Variants in BRICD5 observed in about 807,000 individuals in gnomAD.
The protein encoded by BRICD5 is BRICHOS domain containing 5.
A neutral mutation model predicts 28.4 loss-of-function variants in BRICD5; 51 were observed. The ratio of observed to expected loss-of-function variants is 1.80; its 90% CI spans 1.43 to 2.27. BRICD5 has a LOEUF of 2.27. BRICD5 is among the 30% of genes most tolerant of loss of function. The probability of loss-of-function intolerance (pLI) is 0.00; values close to 1 mark genes in which losing one functional copy is unlikely to be tolerated. For missense variants in BRICD5, 456 were observed against 309.6 expected, an observed-to-expected ratio of 1.47 and a Z score of -3.55; for synonymous variants, 177 against 130.2, an observed-to-expected ratio of 1.36 and a Z score of -2.44.
Position 2,209,640 on chromosome 16 carries a change from T to TC in BRICD5, c.504dup (p.Ser169GlufsTer?). On this transcript the variant is annotated frameshift_variant, in exon 5 of 6. Transcript: ENST00000328540. LOFTEE classifies it high-confidence loss of function. ...GCCTGGGCGGGGTCCACTTCGAGGCTCCCCTGCACTGCCAGCAGCTCCTGG... is the reference window on the plus strand; with the variant it reads ...GCCTGGGCGGGGTCCACTTCGAGGCTCCCCCTGCACTGCCAGCAGCTCCTGG... The TC allele has an allele frequency of 1.9e-6, 3 of 1,613,368 alleles. No individual in the cohort carries two copies. Among genetic ancestry groups the TC allele is most frequent in the Non-Finnish European group, 2.5e-6 (3 of 1,179,876 alleles).
chr16:2,210,399 GCTGTCTGCTCCTAGGTGGTGTCA>G (rs1344705098), intron 2 of BRICD5, 100 bp downstream of exon 2: 1 of 1,533,332 alleles, frequency 6.5e-7, no homozygotes, highest in Non-Finnish European at 8.8e-7. Context: ...TGGTCCTCTG[GCTGTCTGCTCCTAGGTGGTGTCA>G]CTGCCTGCTC....
rs192860278 is a variant in BRICD5 at position 2,209,451 on chromosome 16, G to T, written c.598C>A (p.Arg200=). 166 of 1,613,620 alleles carry T rather than the reference G, an allele frequency of 1.0e-4. 1 individual carries two copies. In the East Asian group the frequency reaches 3.4e-3, roughly 33 times the overall value. Residue 200 remains arginine, a synonymous_variant, in exon 6 of 6, where the codon CGG becomes AGG. Transcript: ENST00000328540. ...CAGAGATAAATCAGCCGCTGTCTCC[G>T]GGGCCCTGTGGCGAGGGTGCCGTGA... ...IYWARRAEGP[R]RQRLIYLCID... is the part of the protein sequence containing the mutation.
At position 2,209,963 on chromosome 16, in the gene BRICD5, A is replaced by G; in HGVS notation, c.425T>C (p.Val142Ala). The G allele has an allele frequency of 6.5e-7, 1 of 1,530,122 alleles. No individual in the cohort carries two copies. The allele number at this position is 1,530,122 out of a possible 1,614,324, so 94.8% of individuals were successfully genotyped here. The change falls in exon 4 of 6, where the codon GTG (valine) becomes GCG (alanine). Residue 142 changes from valine (V) to alanine (A), a missense_variant. Physicochemically the swap from Val to Ala is moderately conservative, Grantham distance 64. Coordinates refer to ENST00000328540, the MANE Select transcript of BRICD5 (RefSeq NM_182563.4). ...AGGACGGCTCACCTTGGAGGTATCC[A>G]CCAGCAGCCGCAGGGTCTCCCGATC... Reference protein sequence around the residue: ...DSDRETLRLLVDTSKVQEAWV... With the variant: ...DSDRETLRLLADTSKVQEAWV...
At chr16:2,210,673 AG>A in intron 1 of BRICD5, 23 bp from the exon 2 acceptor site, 18 of 1,610,120 alleles carry the variant, frequency 1.1e-5, no homozygotes, top group Non-Finnish European at 1.4e-5. Context: ...CAGGGTCAGA[AG>A]GGTCATGAGG....
At position 2,209,348 on chromosome 16, in the gene BRICD5, G is replaced by T; in HGVS notation, c.*14C>A. On this transcript the variant is annotated 3_prime_UTR_variant, in exon 6 of 6. Coordinates refer to ENST00000328540, the MANE Select transcript of BRICD5 (RefSeq NM_182563.4). ...CTGGATTGGGGACGGGCCAGGCTGG[G>T]CCAGGTCGGGGGCTCAGTCTGGGAG... The T allele has an allele frequency of 1.2e-6, 2 of 1,606,470 alleles. No homozygotes were observed. The highest frequency in any genetic ancestry group is 1.7e-6 in the Non-Finnish European group (2 of 1,174,522).
Position 2,210,502 on chromosome 16 carries a change from G to A in BRICD5, c.180+20C>T, listed in dbSNP as rs779427792. The A allele has an allele frequency of 5.0e-6, 8 of 1,591,392 alleles. No individual in the cohort carries two copies. The highest frequency in any genetic ancestry group is 6.9e-6 in the Non-Finnish European group (8 of 1,167,796). ...CTCCCTTTCCACTGTCCATGTCCCT[G>A]GTGCTGAGGAGGGGCTCACCTTGGG... is the stretch of plus-strand genomic sequence containing the variant. On this transcript the variant is annotated intron_variant, in intron 2 of 5. Transcript: ENST00000328540.
Position 2,210,197 on chromosome 16 carries a change from TC to T in BRICD5, c.264del (p.Asn89ThrfsTer7). 6.3e-7 allele frequency: 1 copy of T among 1,596,844 alleles called. No individual in the cohort carries two copies. The highest frequency in any genetic ancestry group is 1.1e-5 in the South Asian group (1 of 89,264). ...PNQTILVDVA[R>X]NAATITVTPP... is the part of the protein sequence containing the mutation. The stretch of plus-strand genomic sequence containing the variant: ...GGGGTCACTGTGATGGTCGCCGCGT[TC>T]CGGGCCACGTCCACCAGGATGGTTT... On this transcript the variant is annotated frameshift_variant, in exon 3 of 6. Coordinates refer to ENST00000328540, the MANE Select transcript of BRICD5 (RefSeq NM_182563.4). LOFTEE classifies it high-confidence loss of function.
intron 2 of BRICD5, 118 bp downstream of exon 2, chr16:2,210,404 C>G (rs1052823062): frequency 9.8e-6 from 15 of 1,534,552 alleles, no homozygotes; most frequent in Middle Eastern, 3.6e-4. Context: ...CTCTGGCTGT[C>G]TGCTCCTAGG....
rs1297523578 is a variant in BRICD5, at chr16:2,209,350, C to T, written c.*12G>A. 6.2e-7 allele frequency: 1 copy of T among 1,606,944 alleles called. No individual in the cohort carries two copies. Among genetic ancestry groups the T allele is most frequent in the South Asian group, 1.1e-5 (1 of 90,730 alleles). On this transcript the variant is annotated 3_prime_UTR_variant, in exon 6 of 6. Transcript: ENST00000328540. Reference sequence around the variant, plus strand: ...GGATTGGGGACGGGCCAGGCTGGGCCAGGTCGGGGGCTCAGTCTGGGAGGT... The same window carrying T: ...GGATTGGGGACGGGCCAGGCTGGGCTAGGTCGGGGGCTCAGTCTGGGAGGT...
rs1365805744 is a variant in BRICD5 at position 2,209,556 on chromosome 16, C to G, written c.589G>C (p.Glu197Gln). 34 of 1,611,982 alleles carry G rather than the reference C, an allele frequency of 2.1e-5. No homozygotes were observed. Among genetic ancestry groups the G allele is most frequent in the Non-Finnish European group, 2.8e-5 (33 of 1,180,010 alleles). The change falls in exon 5 of 6, where the codon GAG (glutamate) becomes CAG (glutamine). Residue 197 changes from glutamate (E) to glutamine (Q), a missense_variant. By Grantham distance (29) the Glu-to-Gln change is conservative. Coordinates refer to ENST00000328540, the MANE Select transcript of BRICD5 (RefSeq NM_182563.4). ...CCCCACAGCGGTCCTGACTCACCCT[C>G]TGCTCGCCGGGCCCAGTAGATGGGG... ...RTPIYWARRA[E>Q]GPRRQRLIYL...
In BRICD5 at chr16:2,209,390, G is replaced by C. The variant is rs765416492; in HGVS notation, c.659C>G (p.Ser220Trp). Residue 220 changes from serine (S) to tryptophan (W), a missense_variant, in exon 6 of 6, where the codon TCG becomes TGG. Physicochemically the swap from Ser to Trp is radical, Grantham distance 177 (BLOSUM62 -3). Coordinates refer to ENST00000328540, the MANE Select transcript of BRICD5 (RefSeq NM_182563.4). ...GTCTGGGAGGTAATAAAAGCAGACC[G>C]ACACGCAGATGTTGCTCGGGAAGCA... is the stretch of plus-strand genomic sequence containing the variant. ...DICFPSNICV[S>W]VCFYYLPD is the part of the protein sequence containing the mutation. 1 of 1,613,608 alleles carries C rather than the reference G, an allele frequency of 6.2e-7. No individual in the cohort carries two copies. The highest frequency in any genetic ancestry group is 1.7e-5 in the Admixed American group (1 of 60,004).
rs2093367971 is a variant in BRICD5 at position 2,210,296 on chromosome 16, T to C, written c.181-15A>G. Reference sequence around the variant, plus strand: ...TGCAGCCTTGGCTGGCAGTGGGAGTTGGAGTTCAGCCGGGCAGCTGTGCAA... The same window carrying C: ...TGCAGCCTTGGCTGGCAGTGGGAGTCGGAGTTCAGCCGGGCAGCTGTGCAA... On this transcript the variant is annotated splice_polypyrimidine_tract_variant and intron_variant, in intron 2 of 5. Coordinates refer to ENST00000328540, the MANE Select transcript of BRICD5 (RefSeq NM_182563.4). 1 of 1,516,376 alleles carries C rather than the reference T, an allele frequency of 6.6e-7. No homozygotes were observed. Among genetic ancestry groups the C allele is most frequent in the African/African-American group, 1.4e-5 (1 of 72,938 alleles). The allele number at this position is 1,516,376 out of a possible 1,614,324, so 93.9% of individuals were successfully genotyped here.
intron 2 of BRICD5, 41 bp downstream of exon 2, chr16:2,210,481 C>T (rs752702060): frequency 1.9e-6 from 3 of 1,564,896 alleles, no homozygotes; most frequent in Non-Finnish European, 2.6e-6. Flanking sequence ...TCCCTTCTCC[C>T]TTTCCACTGT....
Position 2,209,296 on chromosome 16 carries a change from C to T in BRICD5, c.*66G>A, listed in dbSNP as rs2093358321. 2.1e-6 allele frequency: 3 copies of T among 1,425,418 alleles called. No individual in the cohort carries two copies. Among genetic ancestry groups the T allele is most frequent in the East Asian group, 4.6e-5 (2 of 43,650 alleles). 88.3% of individuals were successfully genotyped at this position (1,425,418 alleles called of 1,614,324 possible). On this transcript the variant is annotated 3_prime_UTR_variant, in exon 6 of 6. Transcript: ENST00000328540. ...TTAGTCCCTGCCAGCAGCTGTCCTCCCTGGTGCAGGTGGCCTGGCCAGCCC... is the reference window on the plus strand; with the variant it reads ...TTAGTCCCTGCCAGCAGCTGTCCTCTCTGGTGCAGGTGGCCTGGCCAGCCC...
In BRICD5 at chr16:2,209,912, G is replaced by C. The variant is rs374149913; in HGVS notation, c.438+38C>G. 36 of 1,477,320 alleles carry C rather than the reference G, an allele frequency of 2.4e-5. No individual in the cohort carries two copies. The African/African-American group carries it at 3.0e-4, about 12-fold the overall frequency. The allele number at this position is 1,477,320 out of a possible 1,614,324, so 91.5% of individuals were successfully genotyped here. On this transcript the variant is annotated intron_variant, in intron 4 of 5. Transcript: ENST00000328540. ...GGCTGCACACAGGACCCTTTGTCTAGCCCCTGGCCCGGGCCTGCGCCCAGC... is the reference window on the plus strand; with the variant it reads ...GGCTGCACACAGGACCCTTTGTCTACCCCCTGGCCCGGGCCTGCGCCCAGC...
chr16:2,210,456 T>A, intron 2 of BRICD5, 66 bp downstream of exon 2: 1 of 1,546,592 alleles, frequency 6.5e-7, no homozygotes, highest in Non-Finnish European at 8.7e-7. Context: ...TGCTGGAGGC[T>A]GGGATATGCC....
rs762035047 is a variant in BRICD5, at chr16:2,210,598, A to T, written c.104T>A (p.Leu35Gln). Residue 35 changes from leucine to glutamine, a missense_variant, in exon 2 of 6, where the codon CTG (leucine) becomes CAG (glutamine). Coordinates refer to ENST00000328540, the MANE Select transcript of BRICD5 (RefSeq NM_182563.4). ...AGCGGCCAGCACCAGCAGCAGCAGC[A>T]GCAGGAGCAGGCTCACGGCTCTCCA... ...GGWRAVSLLL[L>Q]LLLLVLAAVG... is the part of the protein sequence containing the mutation. 5 of 1,612,548 alleles carry T rather than the reference A, an allele frequency of 3.1e-6. No homozygotes were observed. The highest frequency in any genetic ancestry group is 4.2e-6 in the Non-Finnish European group (5 of 1,179,652).
intron 4 of BRICD5, 89 bp downstream of exon 4, chr16:2,209,861 C>T: frequency 7.1e-7 from 1 of 1,404,276 alleles, no homozygotes; most frequent in Non-Finnish European, 9.5e-7. Context: ...TTCCCTGAAA[C>T]CACAGCTCCA....
At position 2,210,245 on chromosome 16, in the gene BRICD5, G is replaced by A. The variant is rs965361110; in HGVS notation, c.217C>T (p.Pro73Ser). 3.9e-6 allele frequency: 6 copies of A among 1,551,584 alleles called. No homozygotes were observed. The highest frequency in any genetic ancestry group is 1.7e-4 in the Middle Eastern group (1 of 5,974). ...LQTLRMTLPS[P>S]HMPRPNQTIL... ...GTTTGGTTGGGCCGGGGCATGTGGGGGCTCGGGAGGGTCATTCGCAGCGTC... is the reference window on the plus strand; with the variant it reads ...GTTTGGTTGGGCCGGGGCATGTGGGAGCTCGGGAGGGTCATTCGCAGCGTC... The change falls in exon 3 of 6, where the codon CCC becomes TCC. Residue 73 changes from proline to serine, a missense_variant. Physicochemically the swap from Pro to Ser is moderately conservative, Grantham distance 74. Coordinates refer to ENST00000328540, the MANE Select transcript of BRICD5 (RefSeq NM_182563.4).
Sources: allele counts gnomAD v4.1 joint callset, GRCh38; gene constraint gnomAD v4.1.1; transcripts MANE v1.5; gene names NCBI Gene and HGNC (gene_info 2026-07-23, HGNC 2026-07-21).